ARHGAP24: variants seen among roughly 807,000 people sequenced by gnomAD.
ARHGAP24 encodes rho GTPase-activating protein 24.
ARHGAP24 carries 50 observed loss-of-function variants against 76.4 expected under a neutral mutation model. The ratio of observed to expected loss-of-function variants is 0.65; its 90% confidence interval spans 0.52 to 0.83. The LOEUF (loss-of-function observed/expected upper bound fraction) is 0.83. ARHGAP24 is among the 40% of genes least tolerant of loss of function. The pLI, the probability that ARHGAP24 is intolerant of heterozygous loss-of-function variation, is 0.00. For missense variants in ARHGAP24, 930 were observed against 914.2 expected, an observed-to-expected ratio of 1.02 and a Z score of -0.22; for synonymous variants, 345 against 323.3, an observed-to-expected ratio of 1.07 and a Z score of -0.72.
intron 2 of ARHGAP24, among the ~76,000 whole-genome samples, chr4:85,607,350 AAGAG>A (rs1024185044): frequency 5.3e-5 from 8 of 151,866 alleles, no homozygotes; most frequent in Admixed American, 2.0e-4. Context: ...AAAAGAAAGA[AAGAG>A]AGAGAGAGGG....
chr4:85,817,066 C>T (rs2110119203), intron 3 of ARHGAP24, among the ~76,000 whole-genome samples: 1 of 152,166 alleles, frequency 6.6e-6, no homozygotes, highest in Non-Finnish European at 1.5e-5. Context: ...TGTATATCTT[C>T]CTTTGAGAAG....
chr4:85,507,035 A>C lies in ARHGAP24; in HGVS notation c.-21+31476A>C, dbSNP rs72654058. Among the ~76,000 whole-genome samples the C allele has an allele frequency of 7.2e-3, 1,094 of 152,302 alleles. 10 individuals carry two copies. Among genetic ancestry groups the C allele is most frequent in the Non-Finnish European group, 0.01 (687 of 68,026 alleles). On this transcript the variant is annotated intron_variant, in intron 1 of 9. Transcript: ENST00000395184. ...TTGTTCAGGAATTCAGTGGAAAGCT[A>C]AATCAATGTGAACTGAGATTTTTAA...
intron 2 of ARHGAP24, among the ~76,000 whole-genome samples, chr4:85,710,903 A>G (rs1033099574): frequency 7.9e-5 from 12 of 152,160 alleles, no homozygotes; most frequent in African/African-American, 2.9e-4. Context: ...ATTACTGTGT[A>G]TGTACACAAA....
intron 1 of ARHGAP24, among the ~76,000 whole-genome samples, chr4:85,546,943 T>C (rs941935540): frequency 2.6e-5 from 4 of 152,190 alleles, no homozygotes; most frequent in African/African-American, 9.7e-5. Context: ...TTTTCTGAAG[T>C]GTTTGAAAGT....
chr4:85,727,713 A>G (rs1287926063), intron 3 of ARHGAP24, among the ~76,000 whole-genome samples: 1 of 152,090 alleles, frequency 6.6e-6, no homozygotes, highest in Non-Finnish European at 1.5e-5. Context: ...ACCAACCAAC[A>G]CACCTGATAT....
At chr4:85,983,915 A>G (rs948837549) in intron 8 of ARHGAP24, among the ~76,000 whole-genome samples, 6 of 152,218 alleles carry the variant, frequency 3.9e-5, no homozygotes, top group Non-Finnish European at 7.3e-5. Flanking sequence ...ACTCTTCACA[A>G]TAATAATCTT....
chr4:85,897,585 A>G (rs914946420), intron 3 of ARHGAP24, among the ~76,000 whole-genome samples: 13 of 152,240 alleles, frequency 8.5e-5, no homozygotes, highest in African/African-American at 3.1e-4. Flanking sequence ...CTCACAGAAA[A>G]TTAAAAGGGC....
intron 3 of ARHGAP24, among the ~76,000 whole-genome samples, chr4:85,740,218 GTT>G (rs765656236): frequency 9.2e-6 from 1 of 109,042 alleles, no homozygotes; most frequent in Non-Finnish European, 2.2e-5. Context: ...TGTTGTTGTT[GTT>G]GGGGTTTTTT....
At chr4:85,644,321 C>T (rs1332965217) in intron 2 of ARHGAP24, among the ~76,000 whole-genome samples, 1 of 152,062 alleles carries the variant, frequency 6.6e-6, no homozygotes, top group Non-Finnish European at 1.5e-5. Context: ...AAAAGAACAT[C>T]ACATTGGTTT....
intron 3 of ARHGAP24, among the ~76,000 whole-genome samples, chr4:85,770,602 T>A (rs1727096443): frequency 6.6e-6 from 1 of 152,222 alleles, no homozygotes; most frequent in Non-Finnish European, 1.5e-5. Context: ...GATAATTATC[T>A]CAGAGAATAG....
At chr4:85,683,507 AT>A (rs1453296770) in intron 2 of ARHGAP24, among the ~76,000 whole-genome samples, 1 of 152,360 alleles carries the variant, frequency 6.6e-6, no homozygotes, top group East Asian at 1.9e-4. Flanking sequence ...CTAATTTATG[AT>A]AAAAACATGC....
At chr4:85,680,573 C>G (rs1723169054) in intron 2 of ARHGAP24, among the ~76,000 whole-genome samples, 1 of 151,940 alleles carries the variant, frequency 6.6e-6, no homozygotes, top group Non-Finnish European at 1.5e-5. Context: ...ATTATGTACC[C>G]ACATAGCACC....
At chr4:85,958,872 T>C (rs962670424) in intron 5 of ARHGAP24, among the ~76,000 whole-genome samples, 7 of 152,212 alleles carry the variant, frequency 4.6e-5, no homozygotes, top group Admixed American at 2.6e-4. Context: ...TCTGTCTCTA[T>C]AGATTTTTCC....
chr4:85,839,859 T>TC (rs1339009754), intron 3 of ARHGAP24, among the ~76,000 whole-genome samples: 92 of 137,236 alleles, frequency 6.7e-4, no homozygotes, highest in Admixed American at 1.3e-3. Context: ...TTTTTTTTTT[T>TC]TTTTTTTTGA....
intron 4 of ARHGAP24, among the ~76,000 whole-genome samples, chr4:85,932,831 G>C (rs570294368): frequency 6.6e-6 from 1 of 152,280 alleles, no homozygotes; most frequent in South Asian, 2.1e-4. Flanking sequence ...TGCATCCCAG[G>C]CTCTCTCTGT....
chr4:85,929,370 C>G (rs1339673111), intron 4 of ARHGAP24, among the ~76,000 whole-genome samples: 2 of 152,206 alleles, frequency 1.3e-5, no homozygotes, highest in Admixed American at 6.5e-5. Context: ...TTTAATACTC[C>G]TCATGGTCTT....
chr4:85,930,686 A>AC (rs1736279799), intron 4 of ARHGAP24: 1 of 1,189,858 alleles, frequency 8.4e-7, no homozygotes, highest in Admixed American at 4.4e-5. Flanking sequence ...AAAAAAGAAA[A>AC]AAAAAACCTT....
intron 2 of ARHGAP24, among the ~76,000 whole-genome samples, chr4:85,573,749 G>C (rs1250480995): frequency 6.6e-6 from 1 of 152,190 alleles, no homozygotes; most frequent in Non-Finnish European, 1.5e-5. Context: ...GTGTGTGGTT[G>C]TGTGTGTATC....
intron 1 of ARHGAP24, among the ~76,000 whole-genome samples, chr4:85,511,229 G>C (rs954137899): frequency 1.3e-5 from 2 of 152,074 alleles, no homozygotes; most frequent in African/African-American, 4.8e-5. Context: ...GTCTTCTGGA[G>C]ATCTTTATGT....
Sources: gnomAD v4.1 joint callset for allele counts (sites outside exome capture counted in the v4.1 genomes callset) on GRCh38, gnomAD v4.1.1 for gene constraint, MANE v1.5 for transcripts, NCBI Gene and HGNC (gene_info 2026-07-23, HGNC 2026-07-21) for gene names.